COL7A1: variants seen among roughly 807,000 people sequenced by gnomAD.
COL7A1 encodes the protein collagen type VII alpha 1 chain, also known as collagen alpha-1(VII) chain.
A neutral mutation model predicts 456.2 loss-of-function variants in COL7A1; 296 were observed. The ratio of observed to expected loss-of-function variants is 0.65; its 90% confidence interval spans 0.59 to 0.71. The LOEUF (loss-of-function observed/expected upper bound fraction) is 0.71. Among genes scored for constraint, COL7A1 ranks in the 30% least tolerant of loss-of-function variants. COL7A1 has a pLI of 0.00. For synonymous variants in COL7A1, 1,464 were observed against 1,525.9 expected (o/e 0.96, Z 0.95); for missense variants, 3,441 against 4,017.2 (o/e 0.86, Z 3.88).
In COL7A1 at chr3:48,583,959, A is replaced by G. The variant is rs1222021401; in HGVS notation, c.4225-6T>C. The G allele has an allele frequency of 1.9e-6, 3 of 1,613,758 alleles. No homozygotes were observed. Among genetic ancestry groups the G allele is most frequent in the Non-Finnish European group, 2.5e-6 (3 of 1,179,922 alleles). On this transcript the variant is annotated splice_polypyrimidine_tract_variant and splice_region_variant and intron_variant, in intron 38 of 118. Transcript: ENST00000681320. The surrounding 1 kb of genome is among the most constrained non-coding windows in gnomAD (Gnocchi z 5.1). ...TCACCTGGTCCAGGGGGACCCTGGG[A>G]GAGAACAGCAGGTCAGGGAATGAAC...
Position 48,564,934 on chromosome 3 carries a change from G to A in COL7A1, c.8667C>T (p.Thr2889=). ...TCACAGCCCGATGGTACCAGCGCAG[G>A]GTGTAGGCAGTGCAGGAGCCCTCAT... is the stretch of plus-strand genomic sequence containing the variant. ...PLDEGSCTAY[T]LRWYHRAVTG... is the part of the protein sequence containing the mutation. Residue 2889 remains threonine, a synonymous_variant, in exon 118 of 119, where the codon ACC becomes ACT. Transcript: ENST00000681320. The surrounding 1 kb of genome is among the most constrained non-coding windows in gnomAD (Gnocchi z 6.0). The A allele has an allele frequency of 1.2e-6, 2 of 1,614,182 alleles. No individual in the cohort carries two copies. The highest frequency in any genetic ancestry group is 1.7e-5 in the Admixed American group (1 of 60,028).
chr3:48,574,842 A>G lies in COL7A1; in HGVS notation c.6303T>C (p.Pro2101=), dbSNP rs2044178176. Residue 2101 remains proline (P), a synonymous_variant, in exon 77 of 119, where the codon CCT becomes CCC. Coordinates refer to ENST00000681320, the MANE Select transcript of COL7A1 (RefSeq NM_000094.4). The surrounding 1 kb of genome is among the most constrained non-coding windows in gnomAD (Gnocchi z 5.0). ...GPKVSVDEPG[P]GLSGEQGPPG... is the part of the protein sequence containing the mutation. ...GGGGTCCCTGTTCTCCAGAGAGTCC[A>G]GGACCTGGCTCATCCACAGACACCT... 1 of 1,613,858 alleles carries G rather than the reference A, an allele frequency of 6.2e-7. No individual in the cohort carries two copies. The highest frequency in any genetic ancestry group is 8.5e-7 in the Non-Finnish European group (1 of 1,180,020).
chr3:48,569,364 C>T lies in COL7A1; in HGVS notation c.7686+11G>A, dbSNP rs767779416. On this transcript the variant is annotated intron_variant, in intron 103 of 118. Coordinates refer to ENST00000681320, the MANE Select transcript of COL7A1 (RefSeq NM_000094.4). The surrounding 1 kb of genome is among the most constrained non-coding windows in gnomAD (Gnocchi z 4.9). Reference sequence around the variant, plus strand: ...GACCCCACAGAGAGTACACCACCCTCTTCCCTGTACCTTGTCACCAGGGTC... The same window carrying T: ...GACCCCACAGAGAGTACACCACCCTTTTCCCTGTACCTTGTCACCAGGGTC... 3.7e-6 allele frequency: 6 copies of T among 1,614,010 alleles called. No individual in the cohort carries two copies. In the East Asian group the frequency reaches 1.1e-4, roughly 30 times the overall value.
intron 2 of COL7A1, 44 bp downstream of exon 2, chr3:48,595,031 C>A: frequency 6.8e-7 from 1 of 1,466,244 alleles, no homozygotes; most frequent in Non-Finnish European, 9.3e-7. Flanking sequence ...CGGAGGGTGG[C>A]ACGGTGCAGT....
In COL7A1 at chr3:48,591,624, G is replaced by A. The variant is rs1394325703; in HGVS notation, c.1508-32C>T. On this transcript the variant is annotated intron_variant, in intron 12 of 118. Transcript: ENST00000681320. The surrounding 1 kb of genome is among the most constrained non-coding windows in gnomAD (Gnocchi z 7.0). ...GAGAGCACAGCATAGAGGCAGCCTG[G>A]GGCTCCGACACCTCCCCCACTCACT... The A allele has an allele frequency of 6.2e-7, 1 of 1,613,454 alleles. No individual in the cohort carries two copies. Among genetic ancestry groups the A allele is most frequent in the Non-Finnish European group, 8.5e-7 (1 of 1,179,978 alleles).
chr3:48,592,698 ACCTGC>A lies in COL7A1; in HGVS notation c.847-4_847del. On this transcript the variant is annotated splice_acceptor_variant and splice_polypyrimidine_tract_variant and coding_sequence_variant and intron_variant, in exon 8 of 119. Coordinates refer to ENST00000681320, the MANE Select transcript of COL7A1 (RefSeq NM_000094.4). LOFTEE classifies it high-confidence loss of function. This position sits in a 1 kb window ranked among gnomAD's most constrained non-coding sequence, Gnocchi z 7.6. ...ACTGGTCTCACCAGCTGGGACGTTCACCTGCCCAGGGCAAGAGGTCACTTTATCTT... is the reference window on the plus strand; with the variant it reads ...ACTGGTCTCACCAGCTGGGACGTTCACCAGGGCAAGAGGTCACTTTATCTT... The A allele has an allele frequency of 6.2e-7, 1 of 1,612,574 alleles. No individual in the cohort carries two copies. The highest frequency in any genetic ancestry group is 1.1e-5 in the South Asian group (1 of 91,014).
rs1179980269 is a variant in COL7A1 at position 48,574,077 on chromosome 3, CCACACACAGACACAGG to C, written c.6501+169_6501+184del. ...CCTGCACACACACATCCACATACAA[CCACACACAGACACAGG>C]CACACACAGGCACACACAGACACAG... On this transcript the variant is annotated intron_variant, in intron 80 of 118. Transcript: ENST00000681320. The surrounding 1 kb of genome is among the most constrained non-coding windows in gnomAD (Gnocchi z 5.0). 6.6e-6 allele frequency among the ~76,000 whole-genome samples: 1 copy of C among 151,918 alleles called. No individual in the cohort carries two copies. The highest frequency in any genetic ancestry group is 1.5e-5 in the Non-Finnish European group (1 of 67,948).
Position 48,574,142 on chromosome 3 carries a change from G to C in COL7A1, c.6501+120C>G, listed in dbSNP as rs113350854. 2.0e-5 allele frequency: 27 copies of C among 1,318,816 alleles called. No individual in the cohort carries two copies. Among genetic ancestry groups the C allele is most frequent in the African/African-American group, 7.4e-5 (5 of 67,814 alleles). 81.7% of individuals were successfully genotyped at this position (1,318,816 alleles called of 1,614,324 possible). A position where few individuals can be genotyped will look rare whatever the true frequency, so the allele number is the denominator to read the frequency against. On this transcript the variant is annotated intron_variant, in intron 80 of 118. Coordinates refer to ENST00000681320, the MANE Select transcript of COL7A1 (RefSeq NM_000094.4). This position sits in a 1 kb window ranked among gnomAD's most constrained non-coding sequence, Gnocchi z 5.0. ...AGGCACACACAAGCAGGCACACACA[G>C]AGAGGCACACAGACACAGGTACACA...
chr3:48,587,671 G>A lies in COL7A1; in HGVS notation c.2858-117C>T, dbSNP rs1050940318. On this transcript the variant is annotated intron_variant, in intron 22 of 118. Transcript: ENST00000681320. This position sits in a 1 kb window ranked among gnomAD's most constrained non-coding sequence, Gnocchi z 6.1. ...TGAAGCATCATGGGAGGTCATGCTG[G>A]GGTCACCCAGGGTCAGAGGGTGAGG... The A allele has an allele frequency of 2.5e-5, 40 of 1,594,516 alleles. No homozygotes were observed. In the African/African-American group the frequency reaches 4.8e-4, roughly 19 times the overall value.
At position 48,575,554 on chromosome 3, in the gene COL7A1, G is replaced by A. The variant is rs1337412204; in HGVS notation, c.5980-15C>T. On this transcript the variant is annotated splice_polypyrimidine_tract_variant and intron_variant, in intron 73 of 118. Coordinates refer to ENST00000681320, the MANE Select transcript of COL7A1 (RefSeq NM_000094.4). This position sits in a 1 kb window ranked among gnomAD's most constrained non-coding sequence, Gnocchi z 6.3. ...CCGATGGGGCCCTGCAGGAGTGGAA[G>A]AGAGAATGCTGGTGGCTGTACAGCT... 3 of 1,612,638 alleles carry A rather than the reference G, an allele frequency of 1.9e-6. No individual in the cohort carries two copies. The highest frequency in any genetic ancestry group is 2.2e-5 in the East Asian group (1 of 44,880).
chr3:48,591,861 C>T lies in COL7A1; in HGVS notation c.1357+37G>A, dbSNP rs199515911. On this transcript the variant is annotated intron_variant, in intron 11 of 118. Transcript: ENST00000681320. The surrounding 1 kb of genome is among the most constrained non-coding windows in gnomAD (Gnocchi z 7.0). ...GGGTCAGACCAGCAGAGGCCATGCC[C>T]TGACCCTTGCCTGTCCATCCCTTCC... 3.8e-5 allele frequency: 61 copies of T among 1,614,054 alleles called. No individual in the cohort carries two copies. The highest frequency in any genetic ancestry group is 4.5e-5 in the Non-Finnish European group (53 of 1,180,034).
rs1324789194 is a variant in COL7A1, at chr3:48,588,203, C to T, written c.2710+79G>A. 3.7e-6 allele frequency: 6 copies of T among 1,607,086 alleles called. No individual in the cohort carries two copies. In the African/African-American group the frequency reaches 8.0e-5, roughly 21 times the overall value. On this transcript the variant is annotated intron_variant, in intron 21 of 118. Coordinates refer to ENST00000681320, the MANE Select transcript of COL7A1 (RefSeq NM_000094.4). This position sits in a 1 kb window ranked among gnomAD's most constrained non-coding sequence, Gnocchi z 4.6. ...CAGTGACAGACCCCGCCCACCATCA[C>T]TGTCCTCGCCTACCTTGCGGAGTCT...
At chr3:48,576,479 G>C (rs375498080) in intron 69 of COL7A1, 43 bp downstream of exon 69, 10 of 1,612,618 alleles carry the variant, frequency 6.2e-6, no homozygotes, top group Admixed American at 5.0e-5. Flanking sequence ...CCCCAGCCTG[G>C]TCAGCCCCCT....
chr3:48,592,069 TC>T lies in COL7A1; in HGVS notation c.1240+32del. The T allele has an allele frequency of 1.2e-6, 2 of 1,614,030 alleles. No individual in the cohort carries two copies. The highest frequency in any genetic ancestry group is 1.7e-6 in the Non-Finnish European group (2 of 1,179,984). On this transcript the variant is annotated intron_variant, in intron 10 of 118. Coordinates refer to ENST00000681320, the MANE Select transcript of COL7A1 (RefSeq NM_000094.4). This position sits in a 1 kb window ranked among gnomAD's most constrained non-coding sequence, Gnocchi z 7.6. ...CTCCGGGCCTTGCCCTGCCTGCCCG[TC>T]CCAGCCTGAAGAAAGTGCCCAGCCT...
In COL7A1 at chr3:48,581,838, A is replaced by G; in HGVS notation, c.4668+73T>C. On this transcript the variant is annotated intron_variant, in intron 48 of 118. Coordinates refer to ENST00000681320, the MANE Select transcript of COL7A1 (RefSeq NM_000094.4). This position sits in a 1 kb window ranked among gnomAD's most constrained non-coding sequence, Gnocchi z 5.8. ...ACCCAGCAAGTCCTGTGACCCCCCAAGTCCCATAGATAGGCCCTATGACCT... is the reference window on the plus strand; with the variant it reads ...ACCCAGCAAGTCCTGTGACCCCCCAGGTCCCATAGATAGGCCCTATGACCT... The G allele has an allele frequency of 6.2e-7, 1 of 1,613,322 alleles. No homozygotes were observed. The highest frequency in any genetic ancestry group is 8.5e-7 in the Non-Finnish European group (1 of 1,179,352).
chr3:48,587,918 A>T lies in COL7A1; in HGVS notation c.2732T>A (p.Val911Asp). 6.3e-7 allele frequency: 1 copy of T among 1,599,804 alleles called. No individual in the cohort carries two copies. The highest frequency in any genetic ancestry group is 8.5e-7 in the Non-Finnish European group (1 of 1,173,702). The change falls in exon 22 of 119, where the codon GTC becomes GAC. Residue 911 changes from valine to aspartate, a missense_variant. This residue lies in a region of COL7A1 where 444 missense variants were observed against 427.6 expected (regional missense o/e 1.04). Transcript: ENST00000681320. This position sits in a 1 kb window ranked among gnomAD's most constrained non-coding sequence, Gnocchi z 6.1. ...QPEGGQEQSR[V>D]LGPELSSYHL... is the part of the protein sequence containing the mutation. ...ATAGCTGCTGAGCTCGGGCCCCAGG[A>T]CCCGGGACTGTTCCTGGCCACCTGG...
At position 48,581,037 on chromosome 3, in the gene COL7A1, G is replaced by A. The variant is rs1246271314; in HGVS notation, c.4935+85C>T. ...GCAGCTGGACAGGAGGCAGGGAGTG[G>A]ATGGATGAACTGGTGGAGCACCAGC... is the stretch of plus-strand genomic sequence containing the variant. On this transcript the variant is annotated intron_variant, in intron 53 of 118. Transcript: ENST00000681320. The surrounding 1 kb of genome is among the most constrained non-coding windows in gnomAD (Gnocchi z 5.8). 6.2e-7 allele frequency: 1 copy of A among 1,600,982 alleles called. No individual in the cohort carries two copies. The highest frequency in any genetic ancestry group is 2.2e-5 in the East Asian group (1 of 44,736).
In COL7A1 at chr3:48,591,929, A is replaced by T; in HGVS notation, c.1326T>A (p.Arg442=). 6.2e-7 allele frequency: 1 copy of T among 1,614,118 alleles called. No homozygotes were observed. The highest frequency in any genetic ancestry group is 8.5e-7 in the Non-Finnish European group (1 of 1,180,012). The part of the protein sequence containing the change: ...LLSWNLVPEA[R]GYRLEWRRET... ...CACGCCGCCATTCCAACCGGTAGCC[A>T]CGGGCCTCAGGCACCAAGTTCCAGG... Residue 442 remains arginine, a synonymous_variant, in exon 11 of 119, where the codon CGT becomes CGA. Transcript: ENST00000681320. The surrounding 1 kb of genome is among the most constrained non-coding windows in gnomAD (Gnocchi z 7.0).
Position 48,585,065 on chromosome 3 carries a change from G to A in COL7A1, c.3946C>T (p.Pro1316Ser), listed in dbSNP as rs781520685. 14 of 1,612,568 alleles carry A rather than the reference G, an allele frequency of 8.7e-6. No homozygotes were observed. Among genetic ancestry groups the A allele is most frequent in the Admixed American group, 1.7e-5 (1 of 59,996 alleles). The change falls in exon 33 of 119, where the codon CCT becomes TCT. Residue 1316 changes from proline to serine, a missense_variant. Physicochemically the swap from Pro to Ser is moderately conservative, Grantham distance 74. This residue lies in a region of COL7A1 where 2,084 missense variants were observed against 2,501.3 expected (regional missense o/e 0.83). Transcript: ENST00000681320. This position sits in a 1 kb window ranked among gnomAD's most constrained non-coding sequence, Gnocchi z 4.5. ...AGGCCAGGGGCTCCAGGGGTCCCAG[G>A]ATTCCCGGCGCGGCCAGGGCTGCCT... ...RPGSPGRAGN[P>S]GTPGAPGLKG...
Sources: allele counts gnomAD v4.1 joint callset (sites outside exome capture counted in the v4.1 genomes callset), GRCh38; gene constraint gnomAD v4.1.1; regional missense constraint gnomAD v4.1.1; non-coding constraint Gnocchi (gnomAD v3.1); transcripts MANE v1.5; gene names NCBI Gene and HGNC (gene_info 2026-07-23, HGNC 2026-07-21).